Variants in HP1BP3 observed in about 807,000 individuals in gnomAD.
HP1BP3 encodes heterochromatin protein 1 binding protein 3.
A neutral mutation model predicts 62.5 loss-of-function variants in HP1BP3; 12 were observed. That is an observed-to-expected ratio of 0.19 (90% CI 0.12 to 0.31). The LOEUF (loss-of-function observed/expected upper bound fraction) is 0.31. HP1BP3 is among the 10% of genes least tolerant of loss of function. The pLI, the probability that HP1BP3 is intolerant of heterozygous loss-of-function variation, is 1.00. For synonymous variants in HP1BP3, 260 were observed against 237.8 expected (o/e 1.09, Z -0.86); for missense variants, 502 against 651.8 (o/e 0.77, Z 2.50).
In HP1BP3 at chr1:20,765,478, G is replaced by T; in HGVS notation, c.789C>A (p.Leu263=). 6.2e-7 allele frequency: 1 copy of T among 1,613,540 alleles called. No homozygotes were observed. The highest frequency in any genetic ancestry group is 8.5e-7 in the Non-Finnish European group (1 of 1,179,554). ...CACAAAGGCGAGTAAAGGCCAGTGG[G>T]AGGACATCCTCCAATTTTACTTGTG... ...PEPQVKLEDV[L]PLAFTRLCEP... is the part of the protein sequence containing the mutation. Residue 263 remains leucine, a synonymous_variant, in exon 8 of 13, where the codon CTC becomes CTA. Transcript: ENST00000438032.
At position 20,767,599 on chromosome 1, in the gene HP1BP3, T is replaced by C. The variant is rs1051217781; in HGVS notation, c.720A>G (p.Lys240=). The C allele has an allele frequency of 2.5e-6, 4 of 1,609,938 alleles. No homozygotes were observed. The highest frequency in any genetic ancestry group is 3.4e-6 in the Non-Finnish European group (4 of 1,177,390). The change falls in exon 7 of 13, where the codon AAA becomes AAG. Residue 240 remains lysine, a synonymous_variant. Transcript: ENST00000438032. Reference sequence around the variant, plus strand: ...GATGTCTTACCTTTCTGTTTCTGGATTTCTGAGGTGTTTTTCTTGATTTCT... The same window carrying C: ...GATGTCTTACCTTTCTGTTTCTGGACTTCTGAGGTGTTTTTCTTGATTTCT... The part of the protein sequence containing the change: ...VVQKSRKTPQ[K]SRNRKNRSSA...
intron 8 of HP1BP3, among the ~76,000 whole-genome samples, chr1:20,763,289 A>T (rs557384125): frequency 2.2e-4 from 34 of 152,352 alleles, no homozygotes; most frequent in African/African-American, 7.9e-4. Context: ...TGCATCATAT[A>T]ACGCATTTTT....
At chr1:20,755,983 A>C (rs2056082285) in intron 9 of HP1BP3, among the ~76,000 whole-genome samples, 1 of 152,190 alleles carries the variant, frequency 6.6e-6, no homozygotes, top group South Asian at 2.1e-4. Flanking sequence ...AGGTTGCCTG[A>C]GGCTGCTGGT....
At chr1:20,759,159 G>A (rs1239023089) in intron 8 of HP1BP3, among the ~76,000 whole-genome samples, 1 of 152,204 alleles carries the variant, frequency 6.6e-6, no homozygotes, top group Non-Finnish European at 1.5e-5. Flanking sequence ...CCAGAACTCT[G>A]GGGGGCCGAG....
At chr1:20,777,486 C>T (rs1242980312) in intron 3 of HP1BP3, among the ~76,000 whole-genome samples, 2 of 151,746 alleles carry the variant, frequency 1.3e-5, no homozygotes, top group Non-Finnish European at 2.9e-5. Flanking sequence ...GAGACGGAGT[C>T]TCGCTCTGTC....
In HP1BP3 at chr1:20,764,875, C is replaced by CA. The variant is rs1219583949; in HGVS notation, c.890+501dup. ...GGGTAACAAGAGCAAGACTTCATCT[C>CA]AAAAAAAAAAAGGCTGGCCACAGCG... On this transcript the variant is annotated intron_variant, in intron 8 of 12. Coordinates refer to ENST00000438032, the MANE Select transcript of HP1BP3 (RefSeq NM_001372052.1). Among the ~76,000 whole-genome samples the CA allele has an allele frequency of 8.9e-3, 1,186 of 133,072 alleles. 11 individuals carry two copies. Among genetic ancestry groups the CA allele is most frequent in the African/African-American group, 0.028 (1,008 of 36,134 alleles). 87.3% of individuals were successfully genotyped at this position (133,072 alleles called of 152,430 possible).
chr1:20,774,513 A>G (rs1166787730), intron 4 of HP1BP3: 1 of 152,180 alleles, frequency 6.6e-6, no homozygotes, highest in Non-Finnish European at 1.5e-5. Flanking sequence ...CTGTGTAACA[A>G]TATTTGGTCA....
intron 9 of HP1BP3, among the ~76,000 whole-genome samples, chr1:20,750,698 A>G (rs1021721037): frequency 6.6e-6 from 1 of 151,940 alleles, no homozygotes; most frequent in Admixed American, 6.6e-5. Context: ...CCGCCACCCC[A>G]AGACAGCAAG....
At chr1:20,776,143 G>C in intron 4 of HP1BP3, 1 of 773,262 alleles carries the variant, frequency 1.3e-6, no homozygotes, top group Non-Finnish European at 1.9e-6. Flanking sequence ...AACATATATA[G>C]ACTTTTAGGT....
rs765037753 is a variant in HP1BP3, at chr1:20,765,391, A to G, written c.876T>C (p.Leu292=). ...ATGGCTCATACCTGATGTCCACTCT[A>G]AGCTTAGGATAATACTGAGACACAT... ...RKYVSQYYPK[L]RVDIRPQLLK... The change falls in exon 8 of 13, where the codon CTT becomes CTC. Residue 292 remains leucine, a synonymous_variant. Coordinates refer to ENST00000438032, the MANE Select transcript of HP1BP3 (RefSeq NM_001372052.1). 6.2e-6 allele frequency: 10 copies of G among 1,607,826 alleles called. No homozygotes were observed. The African/African-American group carries it at 1.2e-4, about 19-fold the overall frequency.
intron 5 of HP1BP3, among the ~76,000 whole-genome samples, chr1:20,772,407 G>A (rs935187484): frequency 1.3e-5 from 2 of 152,098 alleles, no homozygotes; most frequent in African/African-American, 4.8e-5. Context: ...TTCAAACCCA[G>A]GCTGAGTGGT....
chr1:20,762,490 TC>T lies in HP1BP3; in HGVS notation c.890+2886del, dbSNP rs371472317. On this transcript the variant is annotated intron_variant, in intron 8 of 12. Transcript: ENST00000438032. ...TGTGAAAAGAAAATAAATCTTGGGA[TC>T]CCCTAATCACAAACCCTAATCACGA... Among the ~76,000 whole-genome samples, 205 of 152,102 alleles carry T rather than the reference TC, an allele frequency of 1.3e-3. 1 individual carries two copies. Among genetic ancestry groups the T allele is most frequent in the African/African-American group, 4.8e-3 (200 of 41,500 alleles).
At chr1:20,769,554 TC>T (rs2056956110) in intron 6 of HP1BP3, among the ~76,000 whole-genome samples, 3 of 151,942 alleles carry the variant, frequency 2.0e-5, no homozygotes, top group Admixed American at 2.0e-4. Context: ...AGATCCTGTC[TC>T]AAAAAGTAAA....
chr1:20,776,792 C>T (rs754085673), intron 3 of HP1BP3, 42 bp from the exon 4 acceptor site: 137 of 1,541,206 alleles, frequency 8.9e-5, no homozygotes, highest in Non-Finnish European at 1.2e-4. Flanking sequence ...CAGATGTATT[C>T]CAATCTGAGT....
At chr1:20,754,297 C>CA (rs1009693918) in intron 9 of HP1BP3, among the ~76,000 whole-genome samples, 4 of 151,818 alleles carry the variant, frequency 2.6e-5, no homozygotes, top group Admixed American at 6.6e-5. Flanking sequence ...ATAAATTTAA[C>CA]AAAAAAAATT....
intron 1 of HP1BP3, 44 bp downstream of exon 1, chr1:20,787,151 G>T (rs1312574601): frequency 1.3e-5 from 2 of 151,632 alleles, no homozygotes; most frequent in Non-Finnish European, 2.9e-5. Context: ...GGGGCCCAGC[G>T]AGCCCGCGCC....
intron 5 of HP1BP3, among the ~76,000 whole-genome samples, chr1:20,771,963 A>G (rs2154541033): frequency 6.6e-6 from 1 of 152,342 alleles, no homozygotes; most frequent in Admixed American, 6.5e-5. Context: ...TCACAGGTAG[A>G]TGGTCCAGAA....
intron 11 of HP1BP3, among the ~76,000 whole-genome samples, chr1:20,747,107 C>G (rs1017015537): frequency 6.6e-6 from 1 of 152,130 alleles, no homozygotes; most frequent in Admixed American, 6.5e-5. Flanking sequence ...AATGACCATC[C>G]GAGGATCTCA....
chr1:20,773,268 AAC>A (rs144139782), intron 5 of HP1BP3, among the ~76,000 whole-genome samples, 181 bp downstream of exon 5: 4,167 of 152,298 alleles, frequency 0.027, 112 homozygotes, highest in East Asian at 0.096. Context: ...TAAAAAAATT[AAC>A]AGTGTTCACC....
Sources: allele counts gnomAD v4.1 joint callset (sites outside exome capture counted in the v4.1 genomes callset), GRCh38; gene constraint gnomAD v4.1.1; transcripts MANE v1.5; gene names NCBI Gene and HGNC (gene_info 2026-07-23, HGNC 2026-07-21).